Variants in CCNJL observed in about 807,000 individuals in gnomAD.
CCNJL encodes the protein cyclin-J-like protein.
In CCNJL, 33 loss-of-function variants were observed where a neutral mutation model predicts 33.4. The observed-to-expected ratio is 0.99, with a 90% CI of 0.75 to 1.32. CCNJL has a LOEUF of 1.32. Ranked by LOEUF, CCNJL falls within the 40% of genes most tolerant of loss-of-function variation. The pLI, the probability that CCNJL is intolerant of heterozygous loss-of-function variation, is 0.00. For missense variants in CCNJL, 512 were observed against 499.7 expected, an observed-to-expected ratio of 1.02 and a Z score of -0.23; for synonymous variants, 227 against 220.9, an observed-to-expected ratio of 1.03 and a Z score of -0.24.
rs2113236839 is a variant in CCNJL, at chr5:160,259,581, G to A, written c.471C>T (p.Ala157=). ...PAHFLDYYLL[A]SVSQKDHHCH... ...AGTGGTGGTCCTTCTGGCTGACGGA[G>A]GCCAAGAGGTAGTAGTCCAGGAAGT... The change falls in exon 4 of 6, where the codon GCC becomes GCT. Residue 157 remains alanine, a synonymous_variant. Coordinates refer to ENST00000257536, the MANE Select transcript of CCNJL (RefSeq NM_001308173.3). 6.2e-7 allele frequency: 1 copy of A among 1,614,176 alleles called. No homozygotes were observed. The highest frequency in any genetic ancestry group is 1.1e-5 in the South Asian group (1 of 91,076).
intron 1 of CCNJL, chr5:160,326,724 A>C (rs1763541339): frequency 1.1e-6 from 1 of 921,240 alleles, no homozygotes; most frequent in Non-Finnish European, 1.8e-6. Context: ...CAGAAAGTGC[A>C]GAAGGTTATG....
intron 2 of CCNJL, among the ~76,000 whole-genome samples, chr5:160,304,613 C>T (rs1720824044): frequency 6.6e-6 from 1 of 152,178 alleles, no homozygotes; most frequent in Admixed American, 6.5e-5. Flanking sequence ...ATTCCTGTAA[C>T]TAAGCCGGGC....
chr5:160,320,317 T>C (rs1481201331), intron 1 of CCNJL, among the ~76,000 whole-genome samples: 1 of 152,166 alleles, frequency 6.6e-6, no homozygotes, highest in Non-Finnish European at 1.5e-5. Context: ...GTAGCCTTCC[T>C]TCCATGGGCC....
chr5:160,280,597 A>G lies in CCNJL; in HGVS notation c.208T>C (p.Phe70Leu). ...RHLAVYLLDHFMDRYNVTTSK... is the reference protein window; with the variant it reads ...RHLAVYLLDHLMDRYNVTTSK... ...GTGGTGACGTTGTAGCGATCCATGA[A>G]GTGGTCCAGCAGGTAGACGGCCAGG... Residue 70 changes from phenylalanine to leucine, a missense_variant, in exon 3 of 6, where the codon TTC becomes CTC. Phe to Leu is a conservative substitution (Grantham distance 22). Transcript: ENST00000257536. The G allele has an allele frequency of 6.2e-7, 1 of 1,613,522 alleles. No individual in the cohort carries two copies. The highest frequency in any genetic ancestry group is 2.2e-5 in the East Asian group (1 of 44,860).
intron 2 of CCNJL, among the ~76,000 whole-genome samples, chr5:160,288,929 A>G (rs532933240): frequency 6.6e-6 from 1 of 152,112 alleles, no homozygotes; most frequent in Admixed American, 6.5e-5. Flanking sequence ...GATTCTTCAG[A>G]TATTTCTTTG....
intron 2 of CCNJL, among the ~76,000 whole-genome samples, chr5:160,287,045 G>A (rs532510298): frequency 6.6e-6 from 1 of 152,102 alleles, no homozygotes; most frequent in Non-Finnish European, 1.5e-5. Context: ...CCCACATACC[G>A]GGGATTAGCT....
intron 3 of CCNJL, among the ~76,000 whole-genome samples, chr5:160,278,021 C>T (rs1762076918): frequency 6.6e-6 from 1 of 152,142 alleles, no homozygotes; most frequent in Non-Finnish European, 1.5e-5. Context: ...GATTCTGCTG[C>T]CTCAGCTTCC....
intron 2 of CCNJL, among the ~76,000 whole-genome samples, chr5:160,298,037 G>A (rs1762804242): frequency 6.6e-6 from 1 of 152,170 alleles, no homozygotes. Context: ...TCTGCTCTAT[G>A]TGTGCCTTAT....
intron 3 of CCNJL, among the ~76,000 whole-genome samples, chr5:160,265,376 G>A (rs905528901): frequency 1.3e-5 from 2 of 152,060 alleles, no homozygotes; most frequent in African/African-American, 2.4e-5. Flanking sequence ...GGTGGCTCAC[G>A]CCTGTAATCC....
chr5:160,317,953 C>A (rs1763397425), intron 1 of CCNJL, among the ~76,000 whole-genome samples: 1 of 152,090 alleles, frequency 6.6e-6, no homozygotes, highest in Non-Finnish European at 1.5e-5. Flanking sequence ...CACTCCAGAC[C>A]CTGCCTGTGT....
chr5:160,270,406 T>C (rs1415293028), intron 3 of CCNJL, among the ~76,000 whole-genome samples: 1 of 151,702 alleles, frequency 6.6e-6, no homozygotes, highest in Admixed American at 6.6e-5. Flanking sequence ...ATTGCGCCAC[T>C]GCACACCAGC....
In CCNJL at chr5:160,252,738, C is replaced by T. The variant is rs544761344; in HGVS notation, c.*640G>A. 6.5e-6 allele frequency: 1 copy of T among 152,802 alleles called. No individual in the cohort carries two copies. The highest frequency in any genetic ancestry group is 2.1e-4 in the South Asian group (1 of 4,830). 9.5% of individuals were successfully genotyped at this position (152,802 alleles called of 1,614,324 possible). A position where few individuals can be genotyped will look rare whatever the true frequency, so the allele number is the denominator to read the frequency against. On this transcript the variant is annotated 3_prime_UTR_variant, in exon 6 of 6. Coordinates refer to ENST00000257536, the MANE Select transcript of CCNJL (RefSeq NM_001308173.3). ...TCCCTGATACAGTGTGTAAACAAGACATCTTACGAAACAGAAAGCAAGACC... is the reference window on the plus strand; with the variant it reads ...TCCCTGATACAGTGTGTAAACAAGATATCTTACGAAACAGAAAGCAAGACC...
chr5:160,270,161 A>T (rs1471479572), intron 3 of CCNJL, among the ~76,000 whole-genome samples: 1 of 151,892 alleles, frequency 6.6e-6, no homozygotes, highest in African/African-American at 2.4e-5. Context: ...AAAAAAAAAA[A>T]GTCTGGGCGC....
intron 2 of CCNJL, among the ~76,000 whole-genome samples, chr5:160,301,693 C>T (rs1457741374): frequency 1.3e-5 from 2 of 150,992 alleles, no homozygotes; most frequent in Non-Finnish European, 2.9e-5. Flanking sequence ...CCTCGGCCTC[C>T]CAAAGTGCTG....
At position 160,249,541 on chromosome 5, in the gene CCNJL, T is replaced by G. The variant is rs541401841; in HGVS notation, c.*3837A>C. The G allele has an allele frequency of 6.6e-6, 1 of 152,168 alleles. No individual in the cohort carries two copies. Among genetic ancestry groups the G allele is most frequent in the East Asian group, 1.9e-4 (1 of 5,184 alleles). The allele number at this position is 152,168 out of a possible 1,614,324, so 9.4% of individuals were successfully genotyped here. A position where few individuals can be genotyped will look rare whatever the true frequency, so the allele number is the denominator to read the frequency against. ...ACTTTGGGAGGCCGAGGCAGTCAGA[T>G]TGCTTGAGCTCAGGAGTCTGAGACC... On this transcript the variant is annotated 3_prime_UTR_variant, in exon 6 of 6. Transcript: ENST00000257536.
intron 3 of CCNJL, among the ~76,000 whole-genome samples, chr5:160,277,744 G>GTTGT (rs770586012): frequency 8.0e-6 from 1 of 125,240 alleles, no homozygotes; most frequent in Admixed American, 8.3e-5. Context: ...CTGTCTATCT[G>GTTGT]TTTTTTTTTT....
chr5:160,271,016 C>T (rs1390371457), intron 3 of CCNJL, among the ~76,000 whole-genome samples: 1 of 152,168 alleles, frequency 6.6e-6, no homozygotes, highest in Admixed American at 6.5e-5. Flanking sequence ...GTCTAGACAC[C>T]ACAATGCTTG....
At chr5:160,337,003 CTTTTTTTT>C (rs35461944) in intron 1 of CCNJL, among the ~76,000 whole-genome samples, 3 of 95,062 alleles carry the variant, frequency 3.2e-5, no homozygotes, top group Non-Finnish European at 4.0e-5. Context: ...CTTTTTCTTT[CTTTTTTTT>C]TTTTTTTTTT....
At chr5:160,292,106 T>C (rs571429220) in intron 2 of CCNJL, among the ~76,000 whole-genome samples, 260 of 152,234 alleles carry the variant, frequency 1.7e-3, no homozygotes, top group Middle Eastern at 6.8e-3. Flanking sequence ...GCTTCCTCCG[T>C]GGAAACCCTC....
Sources: allele counts gnomAD v4.1 joint callset (sites outside exome capture counted in the v4.1 genomes callset), GRCh38; gene constraint gnomAD v4.1.1; transcripts MANE v1.5; gene names NCBI Gene and HGNC (gene_info 2026-07-23, HGNC 2026-07-21).